Variants in MYO7B observed in about 807,000 individuals in gnomAD.
MYO7B encodes unconventional myosin-VIIb.
A neutral mutation model predicts 259.7 loss-of-function variants in MYO7B; 212 were observed. That is an observed-to-expected ratio of 0.82 (90% CI 0.73 to 0.91). The LOEUF is 0.91. MYO7B is among the 40% of genes least tolerant of loss of function. MYO7B has a pLI of 0.00. For synonymous variants in MYO7B, 1,197 were observed against 1,166.4 expected (o/e 1.03, Z -0.54); for missense variants, 2,732 against 2,813.5 (o/e 0.97, Z 0.66).
At position 127,636,049 on chromosome 2, in the gene MYO7B, C is replaced by T. The variant is rs558689404; in HGVS notation, c.6006+142C>T. ...GGGTGGGCTGGCTCTGCACACACCA[C>T]GCCTTCCTATGCCATCCACAGCACC... On this transcript the variant is annotated intron_variant, in intron 44 of 47. Transcript: ENST00000409816. The surrounding 1 kb of genome is among the most constrained non-coding windows in gnomAD (Gnocchi z 4.5). 5.4e-5 allele frequency: 61 copies of T among 1,120,954 alleles called. No individual in the cohort carries two copies. Among genetic ancestry groups the T allele is most frequent in the African/African-American group, 1.1e-4 (7 of 63,948 alleles). The allele number at this position is 1,120,954 out of a possible 1,614,324, so 69.4% of individuals were successfully genotyped here.
At position 127,627,599 on chromosome 2, in the gene MYO7B, G is replaced by A. The variant is rs147981993; in HGVS notation, c.4460+289G>A. ...GGCAGGGAAGCGTGCAGCCTCTGGC[G>A]GGCACTTATTTAGAAGGCTCCTTTC... On this transcript the variant is annotated intron_variant, in intron 33 of 47. Coordinates refer to ENST00000409816, the MANE Select transcript of MYO7B (RefSeq NM_001393586.1). This position sits in a 1 kb window ranked among gnomAD's most constrained non-coding sequence, Gnocchi z 5.6. 6.9e-4 allele frequency: 376 copies of A among 541,638 alleles called. 1 individual carries two copies. The highest frequency in any genetic ancestry group is 6.4e-3 in the African/African-American group (342 of 53,202). 33.6% of individuals were successfully genotyped at this position (541,638 alleles called of 1,614,324 possible). A position where few individuals can be genotyped will look rare whatever the true frequency, so the allele number is the denominator to read the frequency against.
chr2:127,636,464 G>T lies in MYO7B; in HGVS notation c.6124-81G>T. 6.9e-7 allele frequency: 1 copy of T among 1,458,014 alleles called. No individual in the cohort carries two copies. Among genetic ancestry groups the T allele is most frequent in the Non-Finnish European group, 9.5e-7 (1 of 1,055,386 alleles). 90.3% of individuals were successfully genotyped at this position (1,458,014 alleles called of 1,614,324 possible). A position where few individuals can be genotyped will look rare whatever the true frequency, so the allele number is the denominator to read the frequency against. On this transcript the variant is annotated intron_variant, in intron 45 of 47. Coordinates refer to ENST00000409816, the MANE Select transcript of MYO7B (RefSeq NM_001393586.1). This position sits in a 1 kb window ranked among gnomAD's most constrained non-coding sequence, Gnocchi z 4.5. Reference sequence around the variant, plus strand: ...AGGGCGTGGGTGTATGTGTGTATGTGCGTGTGGCCTAGATGAGCTCCTGGG... The same window carrying T: ...AGGGCGTGGGTGTATGTGTGTATGTTCGTGTGGCCTAGATGAGCTCCTGGG...
rs1200889656 is a variant in MYO7B at position 127,577,181 on chromosome 2, C to T, written c.849+473C>T. Among the ~76,000 whole-genome samples, 1 of 152,174 alleles carries T rather than the reference C, an allele frequency of 6.6e-6. No homozygotes were observed. Among genetic ancestry groups the T allele is most frequent in the African/African-American group, 2.4e-5 (1 of 41,434 alleles). ...CAGCCATCGCTCATTAGCTGAGGCTCCCTGGCCCTCAGGAGAACTGCGCCT... is the reference window on the plus strand; with the variant it reads ...CAGCCATCGCTCATTAGCTGAGGCTTCCTGGCCCTCAGGAGAACTGCGCCT... On this transcript the variant is annotated intron_variant, in intron 8 of 47. Transcript: ENST00000409816. This position sits in a 1 kb window ranked among gnomAD's most constrained non-coding sequence, Gnocchi z 5.2.
At position 127,609,611 on chromosome 2, in the gene MYO7B, C is replaced by T. The variant is rs760696229; in HGVS notation, c.2920C>T (p.Pro974Ser). ...DVDGLAEYTFPKFAVTYFQKS... is the reference protein window; with the variant it reads ...DVDGLAEYTFSKFAVTYFQKS... ...GGATGGCCTGGCCGAGTACACCTTC[C>T]CCAAGTTTGCTGTGACTTACTTCCA... The change falls in exon 23 of 48, where the codon CCC becomes TCC. Residue 974 changes from proline to serine, a missense_variant. Pro to Ser is a moderately conservative substitution (Grantham distance 74). Transcript: ENST00000409816. The surrounding 1 kb of genome is among the most constrained non-coding windows in gnomAD (Gnocchi z 6.9). 1.9e-6 allele frequency: 3 copies of T among 1,613,990 alleles called. No individual in the cohort carries two copies. Among genetic ancestry groups the T allele is most frequent in the East Asian group, 2.2e-5 (1 of 44,882 alleles).
In MYO7B at chr2:127,631,215, G is replaced by A. The variant is rs13025791; in HGVS notation, c.4947G>A (p.Glu1649=). 0.19 allele frequency: 307,940 copies of A among 1,599,750 alleles called. 31,595 individuals carry two copies. The highest frequency in any genetic ancestry group is 0.31 in the South Asian group (28,339 of 90,250). ...EFSYEFFRAP[E]KDMVSMAVLP... is the part of the protein sequence containing the mutation. ...GCCTCTAACCTCACAGGGCTCCAGA[G>A]AAGGACATGGTGAGCATGGCCGTGC... Residue 1649 remains glutamate, a synonymous_variant, in exon 37 of 48, where the codon GAG becomes GAA. Coordinates refer to ENST00000409816, the MANE Select transcript of MYO7B (RefSeq NM_001393586.1).
chr2:127,584,127 A>G lies in MYO7B; in HGVS notation c.1349A>G (p.Glu450Gly), dbSNP rs1376096740. 6.2e-7 allele frequency: 1 copy of G among 1,612,470 alleles called. No homozygotes were observed. The highest frequency in any genetic ancestry group is 1.3e-5 in the African/African-American group (1 of 74,852). ...GFENFENNSF[E>G]QLCINFANEH... ...CAGTGACCTTGCCTCCACAGCTTCG[A>G]GCAGCTCTGCATCAACTTCGCCAAC... Residue 450 changes from glutamate (E) to glycine (G), a missense_variant, in exon 13 of 48, where the codon GAG (glutamate) becomes GGG (glycine). Around this residue, in one of 3 missense-constraint regions of MYO7B, gnomAD observed 1,906 missense variants for 2,026.4 expected, o/e 0.94. Coordinates refer to ENST00000409816, the MANE Select transcript of MYO7B (RefSeq NM_001393586.1). This position sits in a 1 kb window ranked among gnomAD's most constrained non-coding sequence, Gnocchi z 5.8.
At chr2:127,606,064 G>A (rs538064084) in intron 20 of MYO7B, 136 bp downstream of exon 20, 5 of 696,112 alleles carry the variant, frequency 7.2e-6, no homozygotes, top group Non-Finnish European at 1.2e-5. Flanking sequence ...GACGTGGCAT[G>A]CAAATTTAAA....
At chr2:127,587,737 T>C (rs968633316) in intron 14 of MYO7B, among the ~76,000 whole-genome samples, 1 of 152,024 alleles carries the variant, frequency 6.6e-6, no homozygotes, top group Non-Finnish European at 1.5e-5. Context: ...CCTGGCTAAC[T>C]TTTGTATTTT....
intron 1 of MYO7B, among the ~76,000 whole-genome samples, chr2:127,545,789 G>T (rs6707186): frequency 6.6e-6 from 1 of 152,150 alleles, no homozygotes; most frequent in African/African-American, 2.4e-5. Flanking sequence ...CCCGGTGAAC[G>T]CCCAGTAAGT....
At chr2:127,618,606 GT>G (rs1018075206) in intron 26 of MYO7B, among the ~76,000 whole-genome samples, 2 of 152,220 alleles carry the variant, frequency 1.3e-5, no homozygotes, top group African/African-American at 4.8e-5. Flanking sequence ...ACAGTTTGCT[GT>G]TTGCTCATAT....
intron 36 of MYO7B, 147 bp from the exon 37 acceptor site, chr2:127,631,059 C>A: frequency 7.2e-7 from 1 of 1,386,730 alleles, no homozygotes; most frequent in Non-Finnish European, 9.7e-7. Flanking sequence ...CCTGCCTGGC[C>A]TTCCCAGGCC....
intron 19 of MYO7B, among the ~76,000 whole-genome samples, chr2:127,600,038 C>T (rs561904122): frequency 6.6e-6 from 1 of 152,114 alleles, no homozygotes; most frequent in South Asian, 2.1e-4. Context: ...AGTGTTTCCT[C>T]CTCTGTTTTC....
chr2:127,588,265 G>A (rs556422709), intron 14 of MYO7B, 127 bp from the exon 15 acceptor site: 32 of 1,063,596 alleles, frequency 3.0e-5, no homozygotes, highest in African/African-American at 1.7e-4. Flanking sequence ...GAGCATGGCC[G>A]TAGTGGGGCC....
At chr2:127,596,014 T>C (rs1679756427) in intron 18 of MYO7B, among the ~76,000 whole-genome samples, 1 of 152,234 alleles carries the variant, frequency 6.6e-6, no homozygotes, top group Non-Finnish European at 1.5e-5. Flanking sequence ...AATATCTTTG[T>C]TAATTTTCTG....
intron 19 of MYO7B, among the ~76,000 whole-genome samples, chr2:127,598,927 G>A (rs923610874): frequency 6.6e-6 from 1 of 152,174 alleles, no homozygotes; most frequent in Non-Finnish European, 1.5e-5. Context: ...ATTGGTCGAT[G>A]ACTCTATCCC....
At chr2:127,619,002 TGTG>T (rs1350838746) in intron 26 of MYO7B, among the ~76,000 whole-genome samples, 3 of 136,172 alleles carry the variant, frequency 2.2e-5, no homozygotes, top group South Asian at 4.7e-4. Flanking sequence ...CTGGTTGGAT[TGTG>T]GTGGCTGGTT....
intron 36 of MYO7B, 52 bp from the exon 37 acceptor site, chr2:127,631,154 T>A (rs1282544472): frequency 6.6e-7 from 1 of 1,521,400 alleles, no homozygotes; most frequent in Admixed American, 2.0e-5. Context: ...CAGAGAAGCG[T>A]GGGACAGAGA....
chr2:127,626,610 C>G (rs775811793), intron 31 of MYO7B: 4 of 184,444 alleles, frequency 2.2e-5, no homozygotes, highest in Admixed American at 1.7e-4. Flanking sequence ...GCAAGACCCC[C>G]TCTACTAAAA....
At chr2:127,605,603 A>G (rs1680131525) in intron 19 of MYO7B, among the ~76,000 whole-genome samples, 1 of 152,218 alleles carries the variant, frequency 6.6e-6, no homozygotes, top group South Asian at 2.1e-4. Flanking sequence ...ATCTAAAAAA[A>G]CAAAAAACAA....
Sources: allele counts gnomAD v4.1 joint callset (sites outside exome capture counted in the v4.1 genomes callset), GRCh38; gene constraint gnomAD v4.1.1; regional missense constraint gnomAD v4.1.1; non-coding constraint Gnocchi (gnomAD v3.1); transcripts MANE v1.5; gene names NCBI Gene and HGNC (gene_info 2026-07-23, HGNC 2026-07-21).